The following NF1 variants were observed in gnomAD, a reference collection of about 807,000 sequenced individuals.
NF1 encodes the protein neurofibromin.
In NF1, 122 loss-of-function variants were observed where a neutral mutation model predicts 325.7. The ratio of observed to expected loss-of-function variants is 0.37; its 90% confidence interval spans 0.32 to 0.44. The LOEUF (loss-of-function observed/expected upper bound fraction) is 0.44, where lower values mean the gene tolerates loss of function less well. Among genes scored for constraint, NF1 ranks in the 20% least tolerant of loss-of-function variants. The pLI, the probability that NF1 is intolerant of heterozygous loss-of-function variation, is 1.00. For missense variants in NF1, 2,140 were observed against 3,415.4 expected, an observed-to-expected ratio of 0.63 and a Z score of 9.31; for synonymous variants, 1,091 against 1,186.0, an observed-to-expected ratio of 0.92 and a Z score of 1.65.
chr17:31,210,727 T>C (rs1420681137), intron 12 of NF1, among the ~76,000 whole-genome samples: 2 of 152,252 alleles, frequency 1.3e-5, no homozygotes, highest in South Asian at 2.1e-4. Context: ...TACTATGATG[T>C]AATAATTGAT....
intron 36 of NF1, among the ~76,000 whole-genome samples, chr17:31,307,116 A>G (rs2151512295): frequency 6.6e-6 from 1 of 152,036 alleles, no homozygotes; most frequent in South Asian, 2.1e-4. Flanking sequence ...TCCGCTTCCC[A>G]GGTTCAACTG....
intron 8 of NF1, among the ~76,000 whole-genome samples, chr17:31,191,817 A>G (rs1301187222): frequency 6.6e-6 from 1 of 152,240 alleles, no homozygotes; most frequent in Non-Finnish European, 1.5e-5. Flanking sequence ...AGTGTTGAGA[A>G]CAAAGATAGT....
chr17:31,295,643 T>A, intron 36 of NF1: 1 of 1,614,140 alleles, frequency 6.2e-7, no homozygotes. Context: ...TTGTTTGTGG[T>A]CACATGACCA....
At chr17:31,317,742 T>C (rs1021023028) in intron 36 of NF1, 1 of 152,218 alleles carries the variant, frequency 6.6e-6, no homozygotes, top group African/African-American at 2.4e-5. Flanking sequence ...AAAAACACTT[T>C]CTTACGTGTG....
rs974172157 is a variant in NF1, at chr17:31,225,124, C to T, written c.1875C>T (p.Leu625=). The change falls in exon 17 of 58, where the codon CTC becomes CTT. Residue 625 remains leucine, a synonymous_variant. Transcript: ENST00000358273. ...KQADRSSCHF[L]LFYGVGCDIP... Reference sequence around the variant, plus strand: ...CAGATAGAAGTTCCTGTCACTTTCTCCTTTTTTACGGGGTAGGATGTGATA... The same window carrying T: ...CAGATAGAAGTTCCTGTCACTTTCTTCTTTTTTACGGGGTAGGATGTGATA... The T allele has an allele frequency of 2.5e-6, 4 of 1,613,436 alleles. No individual in the cohort carries two copies. Among genetic ancestry groups the T allele is most frequent in the African/African-American group, 1.3e-5 (1 of 74,800 alleles).
intron 3 of NF1, among the ~76,000 whole-genome samples, chr17:31,159,663 C>T (rs1489777133): frequency 2.0e-5 from 3 of 152,104 alleles, no homozygotes; most frequent in Admixed American, 1.3e-4. Flanking sequence ...GTATTTCAAC[C>T]ATGACTTAAT....
chr17:31,153,403 G>A (rs893925566), intron 1 of NF1, among the ~76,000 whole-genome samples: 6 of 152,198 alleles, frequency 3.9e-5, no homozygotes, highest in Admixed American at 2.6e-4. Flanking sequence ...ATGCTTTTGA[G>A]TGTGCTCCAT....
chr17:31,214,170 T>C (rs567159323), intron 12 of NF1, among the ~76,000 whole-genome samples: 1 of 152,230 alleles, frequency 6.6e-6, no homozygotes, highest in Non-Finnish European at 1.5e-5. Context: ...ATAGATGTTT[T>C]ACAACCTGAT....
chr17:31,146,765 A>G (rs1278119873), intron 1 of NF1, among the ~76,000 whole-genome samples: 1 of 152,234 alleles, frequency 6.6e-6, no homozygotes, highest in Non-Finnish European at 1.5e-5. Context: ...TGGGACAAGA[A>G]TGGCTCTTCT....
chr17:31,251,952 G>A (rs1411872049), intron 30 of NF1: 2 of 214,748 alleles, frequency 9.3e-6, no homozygotes, highest in African/African-American at 4.5e-5. Flanking sequence ...CCATCTATTT[G>A]TGGATTAAAT....
At chr17:31,247,598 T>C (rs1567857660) in intron 29 of NF1, among the ~76,000 whole-genome samples, 1 of 152,208 alleles carries the variant, frequency 6.6e-6, no homozygotes, top group Non-Finnish European at 1.5e-5. Flanking sequence ...CAGTACTAGT[T>C]TTAGAGCTAT....
intron 51 of NF1, among the ~76,000 whole-genome samples, chr17:31,355,025 A>G (rs2070237426): frequency 6.6e-6 from 1 of 152,198 alleles, no homozygotes; most frequent in Non-Finnish European, 1.5e-5. Context: ...GGTTGATTAC[A>G]TTTGATATAT....
At chr17:31,298,620 G>A (rs9902893) in intron 36 of NF1, among the ~76,000 whole-genome samples, 68,475 of 151,792 alleles carry the variant, frequency 0.45, 18,575 homozygotes, top group African/African-American at 0.76. Context: ...CAACATAGAA[G>A]TTTATTGTTG....
At chr17:31,183,868 G>C (rs1042333738) in intron 8 of NF1, among the ~76,000 whole-genome samples, 1 of 152,188 alleles carries the variant, frequency 6.6e-6, no homozygotes, top group Non-Finnish European at 1.5e-5. Context: ...CAGACTCCAA[G>C]TTCTTTAGTT....
intron 36 of NF1, among the ~76,000 whole-genome samples, chr17:31,313,262 T>C (rs2068928297): frequency 6.6e-6 from 1 of 152,200 alleles, no homozygotes; most frequent in Non-Finnish European, 1.5e-5. Flanking sequence ...ACAGGAAAAT[T>C]CTATAAAAAG....
rs10445402 is a variant in NF1 at position 31,334,322 on chromosome 17, G to T, written c.5813-516G>T. On this transcript the variant is annotated intron_variant, in intron 39 of 57. Coordinates refer to ENST00000358273, the MANE Select transcript of NF1 (RefSeq NM_001042492.3). ...AAAAAAAAAAAAATGAATAATCTCA[G>T]TATAATCACTGAAAAAAATATTCAG... Among the ~76,000 whole-genome samples, 68,961 of 151,786 alleles carry T rather than the reference G, an allele frequency of 0.45. 19,226 individuals are homozygous for T. Among genetic ancestry groups the T allele is most frequent in the Non-Finnish European group, 0.62 (42,171 of 67,944 alleles).
rs139653388 is a variant in NF1 at position 31,214,537 on chromosome 17, C to G, written c.1479C>G (p.Leu493=). The stretch of plus-strand genomic sequence containing the variant: ...AGACAAGAAGCTATAAGTATCTTCT[C>G]TTGTCCATGGTGAAACTAATTCATG... ...DLETRSYKYL[L]LSMVKLIHAD... is the part of the protein sequence containing the mutation. Residue 493 remains leucine (L), a synonymous_variant, in exon 13 of 58, where the codon CTC becomes CTG. Transcript: ENST00000358273. The G allele has an allele frequency of 1.7e-5, 28 of 1,612,728 alleles. No homozygotes were observed. Among genetic ancestry groups the G allele is most frequent in the Non-Finnish European group, 2.4e-5 (28 of 1,179,048 alleles).
intron 29 of NF1, among the ~76,000 whole-genome samples, chr17:31,242,489 A>G (rs937080398): frequency 2.4e-4 from 37 of 151,270 alleles, no homozygotes; most frequent in African/African-American, 9.0e-4. Flanking sequence ...TTCATTCTTT[A>G]TTCTTGTCTC....
At chr17:31,130,837 G>T (rs576567065) in intron 1 of NF1, among the ~76,000 whole-genome samples, 1 of 152,318 alleles carries the variant, frequency 6.6e-6, no homozygotes, top group East Asian at 1.9e-4. Context: ...GTGGCCATGG[G>T]CGAGTGCCTG....
Sources: allele counts gnomAD v4.1 joint callset (sites outside exome capture counted in the v4.1 genomes callset), GRCh38; gene constraint gnomAD v4.1.1; transcripts MANE v1.5; gene names NCBI Gene and HGNC (gene_info 2026-07-23, HGNC 2026-07-21).